CTDP1: variants seen among roughly 807,000 people sequenced by gnomAD.
The protein encoded by CTDP1 is RNA polymerase II subunit A C-terminal domain phosphatase.
Under a neutral mutation model 91.8 loss-of-function variants are expected in CTDP1, and 47 were observed. That is an observed-to-expected ratio of 0.51 (90% CI 0.41 to 0.65). The LOEUF is 0.65. Among genes scored for constraint, CTDP1 ranks in the 30% least tolerant of loss-of-function variants. The pLI is 0.00. For missense variants in CTDP1, 1,272 were observed against 1,373.7 expected, an observed-to-expected ratio of 0.93 and a Z score of 1.17; for synonymous variants, 656 against 598.5, an observed-to-expected ratio of 1.10 and a Z score of -1.40.
At chr18:79,682,471 A>T (rs1481800779) in intron 1 of CTDP1, among the ~76,000 whole-genome samples, 1 of 152,238 alleles carries the variant, frequency 6.6e-6, no homozygotes, top group Non-Finnish European at 1.5e-5. Context: ...GCCAACAGTG[A>T]TGGATTTCTC....
rs2086721942 is a variant in CTDP1 at position 79,739,033 on chromosome 18, G to A, written c.2747+2512G>A. Among the ~76,000 whole-genome samples the A allele has an allele frequency of 2.6e-5, 4 of 152,206 alleles. No individual in the cohort carries two copies. The South Asian group carries it at 8.3e-4, about 31-fold the overall frequency. ...TGGGGTCAGGCCTGGGGAAGGCGGTGCACTGGGGGCCTCTGGGAGGGTTCC... is the reference window on the plus strand; with the variant it reads ...TGGGGTCAGGCCTGGGGAAGGCGGTACACTGGGGGCCTCTGGGAGGGTTCC... On this transcript the variant is annotated intron_variant, in intron 12 of 12. Coordinates refer to ENST00000613122, the MANE Select transcript of CTDP1 (RefSeq NM_004715.5).
intron 11 of CTDP1, among the ~76,000 whole-genome samples, chr18:79,732,652 A>G (rs1028452236): frequency 1.3e-5 from 2 of 151,320 alleles, no homozygotes; most frequent in African/African-American, 2.4e-5. Flanking sequence ...GTGAGACGTA[A>G]GAACTCACTG....
rs143453422 is a variant in CTDP1 at position 79,717,988 on chromosome 18, C to G, written c.2389C>G (p.Pro797Ala). 3 of 1,613,474 alleles carry G rather than the reference C, an allele frequency of 1.9e-6. No homozygotes were observed. In the South Asian group the frequency reaches 3.3e-5, roughly 18 times the overall value. The change falls in exon 10 of 13, where the codon CCC becomes GCC. Residue 797 changes from proline (P) to alanine (A), a missense_variant. Physicochemically the swap from Pro to Ala is conservative, Grantham distance 27. This residue lies in a region of CTDP1 where 881 missense variants were observed against 911.6 expected (regional missense o/e 0.97). Transcript: ENST00000613122. Reference sequence around the variant, plus strand: ...GCCCCCAGCACCCTCCAGCTCCCTACCCATCCGCCAGGAGCCCTCTTCCTT... The same window carrying G: ...GCCCCCAGCACCCTCCAGCTCCCTAGCCATCCGCCAGGAGCCCTCTTCCTT... ...RGPPAPSSSL[P>A]IRQEPSSFRA...
In CTDP1 at chr18:79,736,381, C is replaced by T. The variant is rs1003421491; in HGVS notation, c.2607C>T (p.Ser869=). 14 of 1,549,204 alleles carry T rather than the reference C, an allele frequency of 9.0e-6. No homozygotes were observed. Among genetic ancestry groups the T allele is most frequent in the Admixed American group, 5.9e-5 (3 of 50,994 alleles). Residue 869 remains serine, a synonymous_variant, in exon 12 of 13, where the codon AGC becomes AGT. Coordinates refer to ENST00000613122, the MANE Select transcript of CTDP1 (RefSeq NM_004715.5). The part of the protein sequence containing the change: ...KEVDDILGEG[S]DDSDSEKRRP... ...TGGACGACATCCTTGGAGAAGGCAGCGACGACAGCGACAGCGAGAAGAGGA... is the reference window on the plus strand; with the variant it reads ...TGGACGACATCCTTGGAGAAGGCAGTGACGACAGCGACAGCGAGAAGAGGA...
intron 12 of CTDP1, among the ~76,000 whole-genome samples, chr18:79,745,315 C>G (rs1421216374): frequency 3.5e-4 from 36 of 102,834 alleles, no homozygotes; most frequent in Middle Eastern, 6.8e-3. Context: ...CGCGTTCTGT[C>G]CCTGCGTCCC....
At position 79,680,156 on chromosome 18, in the gene CTDP1, C is replaced by G. The variant is rs1040984549; in HGVS notation, c.209C>G (p.Ser70Cys). 7.1e-7 allele frequency: 1 copy of G among 1,399,598 alleles called. No homozygotes were observed. The highest frequency in any genetic ancestry group is 9.2e-7 in the Non-Finnish European group (1 of 1,081,510). The allele number at this position is 1,399,598 out of a possible 1,614,324, so 86.7% of individuals were successfully genotyped here. ...GGGGCCTCTCAGTCCCGTGTAGCCT[C>G]CGGGGGCTGCGTGCGCCCCGCGCGG... ...SSGASQSRVA[S>C]GGCVRPARPE... The change falls in exon 1 of 13, where the codon TCC (serine) becomes TGC (cysteine). Residue 70 changes from serine to cysteine, a missense_variant. Coordinates refer to ENST00000613122, the MANE Select transcript of CTDP1 (RefSeq NM_004715.5).
intron 12 of CTDP1, among the ~76,000 whole-genome samples, chr18:79,737,704 C>T (rs2086695182): frequency 6.6e-6 from 1 of 152,142 alleles, no homozygotes; most frequent in Non-Finnish European, 1.5e-5. Context: ...CGGAGACCTG[C>T]CGTGCCGTTA....
Position 79,704,749 on chromosome 18 carries a change from T to G in CTDP1, c.622-18T>G, listed in dbSNP as rs1375128232. On this transcript the variant is annotated intron_variant, in intron 4 of 12. Transcript: ENST00000613122. ...TCCTCAGGCCTTTTCTCCCGACTGTTGCTACTATTCTTTTTAGGGCATCTT... is the reference window on the plus strand; with the variant it reads ...TCCTCAGGCCTTTTCTCCCGACTGTGGCTACTATTCTTTTTAGGGCATCTT... The G allele has an allele frequency of 1.2e-6, 2 of 1,613,010 alleles. No individual in the cohort carries two copies. Among genetic ancestry groups the G allele is most frequent in the East Asian group, 4.5e-5 (2 of 44,892 alleles).
At chr18:79,740,734 G>A (rs2086759773) in intron 12 of CTDP1, among the ~76,000 whole-genome samples, 1 of 152,164 alleles carries the variant, frequency 6.6e-6, no homozygotes, top group Non-Finnish European at 1.5e-5. Context: ...GGAAGGTTGT[G>A]TTTTTTACTT....
At chr18:79,743,512 T>TGA (rs2086820757) in intron 12 of CTDP1, among the ~76,000 whole-genome samples, 1 of 110,232 alleles carries the variant, frequency 9.1e-6, no homozygotes, top group East Asian at 2.6e-4. Context: ...GACAACGGAG[T>TGA]GAGACTCCGT....
At chr18:79,720,140 T>C (rs905068814) in intron 10 of CTDP1, among the ~76,000 whole-genome samples, 3 of 147,928 alleles carry the variant, frequency 2.0e-5, no homozygotes, top group African/African-American at 5.1e-5. Flanking sequence ...TGATGTCACC[T>C]CCCACTGTGT....
At chr18:79,706,669 T>C (rs538519435) in intron 5 of CTDP1, among the ~76,000 whole-genome samples, 2 of 152,398 alleles carry the variant, frequency 1.3e-5, no homozygotes, top group South Asian at 4.1e-4. Flanking sequence ...ATCACGTTGT[T>C]ATAAATCTTC....
rs1024205760 is a variant in CTDP1, at chr18:79,680,020, C to T, written c.73C>T (p.Pro25Ser). The T allele has an allele frequency of 7.9e-7, 1 of 1,271,664 alleles. No individual in the cohort carries two copies. Among genetic ancestry groups the T allele is most frequent in the South Asian group, 2.5e-5 (1 of 39,916 alleles). 78.8% of individuals were successfully genotyped at this position (1,271,664 alleles called of 1,614,324 possible). A position where few individuals can be genotyped will look rare whatever the true frequency, so the allele number is the denominator to read the frequency against. ...GGCGGCTGTGGCCGAGGTGCGCTGC[C>T]CGGGGCCCGCGCCGCTGCGCCTGCT... is the stretch of plus-strand genomic sequence containing the variant. ...PTAAVAEVRC[P>S]GPAPLRLLEW... The change falls in exon 1 of 13, where the codon CCG becomes TCG. Residue 25 changes from proline (P) to serine (S), a missense_variant. Transcript: ENST00000613122.
At chr18:79,676,872 A>G (rs992543161), upstream of CTDP1, among the ~76,000 whole-genome samples, 1 of 152,230 alleles carries the variant, frequency 6.6e-6, no homozygotes, top group Non-Finnish European at 1.5e-5. Context: ...AACTGATTTT[A>G]ACAAAAGGTG....
chr18:79,753,986 T>C lies in CTDP1; in HGVS notation c.*196T>C. On this transcript the variant is annotated 3_prime_UTR_variant, in exon 13 of 13. Transcript: ENST00000613122. The stretch of plus-strand genomic sequence containing the variant: ...AGTTTTACTACAGGAATGTCTACTT[T>C]TGTAAGTGACAGGTGTTAAAGGCCC... The C allele has an allele frequency of 2.6e-6, 2 of 771,976 alleles. No homozygotes were observed. The highest frequency in any genetic ancestry group is 2.6e-5 in the Admixed American group (1 of 38,108). 47.8% of individuals were successfully genotyped at this position (771,976 alleles called of 1,614,324 possible). A position where few individuals can be genotyped will look rare whatever the true frequency, so the allele number is the denominator to read the frequency against.
At chr18:79,712,251 G>A (rs1230544467) in intron 6 of CTDP1, among the ~76,000 whole-genome samples, 2 of 152,116 alleles carry the variant, frequency 1.3e-5, no homozygotes, top group South Asian at 2.1e-4. Context: ...CTGGAGGTCC[G>A]CTTAGAAATT....
chr18:79,697,963 A>G lies in CTDP1; in HGVS notation c.596A>G (p.Gln199Arg). The G allele has an allele frequency of 1.9e-6, 3 of 1,614,244 alleles. No homozygotes were observed. The highest frequency in any genetic ancestry group is 2.5e-6 in the Non-Finnish European group (3 of 1,180,044). ...CAGACGTTGATTCACACAACCGAGCAGCACTGTCAGCAGATGTCGAATAAA... is the reference window on the plus strand; with the variant it reads ...CAGACGTTGATTCACACAACCGAGCGGCACTGTCAGCAGATGTCGAATAAA... ...LDQTLIHTTE[Q>R]HCQQMSNKGI... Residue 199 changes from glutamine (Q) to arginine (R), a missense_variant, in exon 4 of 13, where the codon CAG becomes CGG. By Grantham distance (43) the Gln-to-Arg change is conservative. Transcript: ENST00000613122.
At chr18:79,744,159 CT>C (rs2086835082) in intron 12 of CTDP1, among the ~76,000 whole-genome samples, 1 of 152,216 alleles carries the variant, frequency 6.6e-6, no homozygotes, top group African/African-American at 2.4e-5. Context: ...GCTGTCCCAC[CT>C]TTCCAGAGTG....
intron 12 of CTDP1, among the ~76,000 whole-genome samples, chr18:79,737,823 G>C (rs1306738252): frequency 5.3e-5 from 8 of 152,190 alleles, no homozygotes; most frequent in Admixed American, 5.2e-4. Context: ...GGTGTGGAAT[G>C]ACGCAGTGTT....
Sources: allele counts gnomAD v4.1 joint callset (sites outside exome capture counted in the v4.1 genomes callset), GRCh38; gene constraint gnomAD v4.1.1; regional missense constraint gnomAD v4.1.1; transcripts MANE v1.5; gene names NCBI Gene and HGNC (gene_info 2026-07-23, HGNC 2026-07-21).